The following ADGRB3 variants were observed in gnomAD, a reference collection of about 807,000 sequenced individuals.
The protein encoded by ADGRB3 is brain-specific angiogenesis inhibitor 3.
ADGRB3 carries 37 observed loss-of-function variants against 193.4 expected under a neutral mutation model. The ratio of observed to expected loss-of-function variants is 0.19; its 90% CI spans 0.15 to 0.25. The LOEUF (loss-of-function observed/expected upper bound fraction) is 0.25, where lower values mean the gene tolerates loss of function less well. Ranked by LOEUF, ADGRB3 falls within the 10% of genes least tolerant of loss-of-function variation. The probability of loss-of-function intolerance (pLI) is 1.00; values close to 1 mark genes in which losing one functional copy is unlikely to be tolerated. For missense variants in ADGRB3, 1,637 were observed against 1,852.9 expected (o/e 0.88, Z 2.14); for synonymous variants, 690 against 644.2 (o/e 1.07, Z -1.08).
chr6:68,985,213 A>C (rs1166570896), intron 10 of ADGRB3, among the ~76,000 whole-genome samples: 1 of 152,204 alleles, frequency 6.6e-6, no homozygotes, highest in African/African-American at 2.4e-5. Flanking sequence ...TCTGAGGACC[A>C]GAAGTGTCCG....
intron 20 of ADGRB3, among the ~76,000 whole-genome samples, chr6:69,253,823 T>G (rs905784718): frequency 6.6e-6 from 1 of 152,168 alleles, no homozygotes; most frequent in East Asian, 1.9e-4. Flanking sequence ...TTGATTTATT[T>G]TCTTTGAATT....
intron 3 of ADGRB3, among the ~76,000 whole-genome samples, chr6:68,912,249 A>AT (rs971601937): frequency 5.6e-4 from 85 of 151,102 alleles, no homozygotes; most frequent in Non-Finnish European, 1.3e-4. Context: ...TAAATTACTG[A>AT]TTTTTTTTTC....
intron 3 of ADGRB3, among the ~76,000 whole-genome samples, chr6:68,705,179 GC>G (rs1168228786): frequency 6.6e-6 from 1 of 152,240 alleles, no homozygotes; most frequent in Non-Finnish European, 1.5e-5. Context: ...ATGAAGAGTA[GC>G]CTAGCTATGT....
chr6:68,817,920 T>C (rs552902347), intron 3 of ADGRB3, among the ~76,000 whole-genome samples: 38 of 152,258 alleles, frequency 2.5e-4, no homozygotes, highest in African/African-American at 8.7e-4. Context: ...GTTTACATAT[T>C]TAGTGTTGTG....
chr6:69,242,427 A>C (rs1301092832), intron 20 of ADGRB3, among the ~76,000 whole-genome samples: 1 of 151,834 alleles, frequency 6.6e-6, no homozygotes, highest in East Asian at 1.9e-4. Flanking sequence ...TGATGAAGAA[A>C]TTATTTGATA....
At chr6:69,172,947 A>G (rs1040193797) in intron 17 of ADGRB3, among the ~76,000 whole-genome samples, 3 of 152,230 alleles carry the variant, frequency 2.0e-5, no homozygotes, top group African/African-American at 7.2e-5. Flanking sequence ...AGTGGTAAAT[A>G]AAGAGACAGG....
chr6:69,347,476 A>G (rs1769124423), intron 26 of ADGRB3, among the ~76,000 whole-genome samples: 2 of 152,166 alleles, frequency 1.3e-5, no homozygotes, highest in African/African-American at 2.4e-5. Flanking sequence ...TTCATTTGTA[A>G]TAAAATAGGA....
intron 17 of ADGRB3, among the ~76,000 whole-genome samples, chr6:69,185,352 T>C (rs532677152): frequency 2.6e-5 from 4 of 152,248 alleles, no homozygotes; most frequent in African/African-American, 9.6e-5. Context: ...ATTTTGGCCT[T>C]CACTTCTTTG....
intron 17 of ADGRB3, among the ~76,000 whole-genome samples, chr6:69,173,349 G>C (rs1775339180): frequency 6.6e-6 from 1 of 152,182 alleles, no homozygotes; most frequent in African/African-American, 2.4e-5. Flanking sequence ...GGCCAGGCAA[G>C]TTATTTGAAT....
intron 13 of ADGRB3, among the ~76,000 whole-genome samples, chr6:69,021,886 T>G (rs923763783): frequency 1.3e-5 from 2 of 151,932 alleles, no homozygotes. Context: ...TATATATGTG[T>G]GCATGTACAT....
At chr6:69,272,478 A>G (rs1405201714) in intron 20 of ADGRB3, among the ~76,000 whole-genome samples, 1 of 152,252 alleles carries the variant, frequency 6.6e-6, no homozygotes, top group Admixed American at 6.5e-5. Flanking sequence ...AATTTGCCCA[A>G]GTGAAAAAGA....
chr6:69,305,695 G>A (rs1397274563), intron 20 of ADGRB3, among the ~76,000 whole-genome samples: 1 of 151,062 alleles, frequency 6.6e-6, no homozygotes, highest in Non-Finnish European at 1.5e-5. Context: ...TAGCTCAATA[G>A]GCTACCTGGA....
chr6:69,284,749 A>G (rs542244843), intron 20 of ADGRB3, among the ~76,000 whole-genome samples: 2 of 149,382 alleles, frequency 1.3e-5, no homozygotes, highest in South Asian at 2.1e-4. Flanking sequence ...CAAAATGTCT[A>G]GTTACTAATA....
chr6:69,064,987 A>T (rs1158966540), intron 16 of ADGRB3, among the ~76,000 whole-genome samples: 1 of 152,148 alleles, frequency 6.6e-6, no homozygotes, highest in Non-Finnish European at 1.5e-5. Context: ...AATATTTTCT[A>T]CATATGGAAA....
rs1409222055 is a variant in ADGRB3, at chr6:68,932,349, TTTTA to T, written c.868+1684_868+1687del. Among the ~76,000 whole-genome samples the T allele has an allele frequency of 9.8e-5, 15 of 152,302 alleles. No homozygotes were observed. The South Asian group carries it at 2.1e-3, about 21-fold the overall frequency. ...AGCCAAAAGTTTTTGTACAAGTTTTTTTTATTTGTCTGTGACATAGTTCAATTCA... is the reference window on the plus strand; with the variant it reads ...AGCCAAAAGTTTTTGTACAAGTTTTTTTTGTCTGTGACATAGTTCAATTCA... On this transcript the variant is annotated intron_variant, in intron 4 of 31. Transcript: ENST00000370598.
At chr6:69,095,202 G>C (rs936158130) in intron 17 of ADGRB3, among the ~76,000 whole-genome samples, 5 of 152,178 alleles carry the variant, frequency 3.3e-5, no homozygotes, top group Non-Finnish European at 7.3e-5. Context: ...TAAAAAGCTG[G>C]ATTAAATGGT....
chr6:69,383,782 G>A (rs920398549), intron 31 of ADGRB3, among the ~76,000 whole-genome samples: 21 of 151,988 alleles, frequency 1.4e-4, no homozygotes, highest in African/African-American at 5.1e-4. Flanking sequence ...AGGAAGCTGA[G>A]GCTCAGCTAT....
intron 26 of ADGRB3, among the ~76,000 whole-genome samples, chr6:69,349,494 C>A (rs1282701417): frequency 6.6e-6 from 1 of 151,994 alleles, no homozygotes; most frequent in African/African-American, 2.4e-5. Flanking sequence ...TCAGCAAAGT[C>A]ATTTAATATA....
At chr6:69,037,714 C>A (rs888185500) in intron 13 of ADGRB3, among the ~76,000 whole-genome samples, 1 of 151,986 alleles carries the variant, frequency 6.6e-6, no homozygotes, top group Non-Finnish European at 1.5e-5. Context: ...TGGTATCTTT[C>A]CCTATTTATT....
Sources: allele counts gnomAD v4.1 joint callset (sites outside exome capture counted in the v4.1 genomes callset), GRCh38; gene constraint gnomAD v4.1.1; transcripts MANE v1.5; gene names NCBI Gene and HGNC (gene_info 2026-07-23, HGNC 2026-07-21).